Variants in CARHSP1 observed in about 807,000 individuals in gnomAD.
CARHSP1 encodes the protein calcium-regulated heat-stable protein 1.
Under a neutral mutation model 12.5 loss-of-function variants are expected in CARHSP1, and 14 were observed. That is an observed-to-expected ratio of 1.12 (90% CI 0.74 to 1.75). The LOEUF is 1.75. CARHSP1 is among the 40% of genes most tolerant of loss of function. The probability of loss-of-function intolerance (pLI) is 0.00; values close to 1 mark genes in which losing one functional copy is unlikely to be tolerated. For missense variants in CARHSP1, 343 were observed against 201.6 expected (o/e 1.70, Z -4.25); for synonymous variants, 161 against 82.0 (o/e 1.96, Z -5.20).
At chr16:8,865,194 C>T (rs1401729364) in intron 1 of CARHSP1, among the ~76,000 whole-genome samples, 1 of 152,144 alleles carries the variant, frequency 6.6e-6, no homozygotes, top group Non-Finnish European at 1.5e-5. Context: ...CTGCAGACCC[C>T]CGCCCCCCAG....
At chr16:8,859,096 CAG>C in intron 2 of CARHSP1, 73 bp downstream of exon 2, 1 of 1,417,358 alleles carries the variant, frequency 7.1e-7, no homozygotes, top group Non-Finnish European at 9.5e-7. Context: ...CAAAAATGGC[CAG>C]AGACACAGTG....
At chr16:8,863,242 C>T (rs1400031704) in intron 1 of CARHSP1, among the ~76,000 whole-genome samples, 1 of 151,694 alleles carries the variant, frequency 6.6e-6, no homozygotes, top group African/African-American at 2.4e-5. Context: ...CCACCCCAGC[C>T]TCCTGGGTTG....
At chr16:8,857,241 C>G (rs948899281) in intron 3 of CARHSP1, among the ~76,000 whole-genome samples, 2 of 133,382 alleles carry the variant, frequency 1.5e-5, no homozygotes, top group Non-Finnish European at 3.2e-5. Context: ...CACTTTCTGG[C>G]TATGTGATCT....
At chr16:8,863,781 C>G (rs1192146151) in intron 1 of CARHSP1, among the ~76,000 whole-genome samples, 3 of 152,150 alleles carry the variant, frequency 2.0e-5, no homozygotes, top group Non-Finnish European at 4.4e-5. Context: ...GGGCGGGTAA[C>G]CAGGCACCCA....
chr16:8,855,087 T>C lies in CARHSP1; in HGVS notation c.*77A>G. The C allele has an allele frequency of 8.1e-7, 1 of 1,237,598 alleles. No homozygotes were observed. The highest frequency in any genetic ancestry group is 1.1e-6 in the Non-Finnish European group (1 of 932,480). 76.7% of individuals were successfully genotyped at this position (1,237,598 alleles called of 1,614,324 possible). A position where few individuals can be genotyped will look rare whatever the true frequency, so the allele number is the denominator to read the frequency against. On this transcript the variant is annotated 3_prime_UTR_variant, in exon 4 of 4. Coordinates refer to ENST00000311052, the MANE Select transcript of CARHSP1 (RefSeq NM_014316.4). Reference sequence around the variant, plus strand: ...TGAAGCCCCGTCTCGTGTGGAAGAATGTCATCTCCAGTGTCTGCTGCCTCC... The same window carrying C: ...TGAAGCCCCGTCTCGTGTGGAAGAACGTCATCTCCAGTGTCTGCTGCCTCC...
intron 1 of CARHSP1, among the ~76,000 whole-genome samples, chr16:8,860,957 G>C (rs111682533): frequency 6.6e-6 from 1 of 151,374 alleles, no homozygotes; most frequent in African/African-American, 2.4e-5. Flanking sequence ...GGCCAAAGCT[G>C]GAGAATTGCT....
chr16:8,867,029 C>G (rs1192546901), intron 1 of CARHSP1, among the ~76,000 whole-genome samples: 1 of 152,102 alleles, frequency 6.6e-6, no homozygotes, highest in East Asian at 1.9e-4. Flanking sequence ...CCATTAGCAC[C>G]CCTGGACGGC....
chr16:8,857,759 A>ATT (rs71155409), intron 3 of CARHSP1: 5,332 of 116,224 alleles, frequency 0.046, 483 homozygotes, highest in African/African-American at 0.14. Flanking sequence ...CCTGCTCATT[A>ATT]TTTTTTTTTT....
In CARHSP1 at chr16:8,853,903, T is replaced by C. The variant is rs1202259919; in HGVS notation, c.*1261A>G. ...GGGTTCAAGACCATCCTGCCCAACA[T>C]GATGAAACCTGGTCTCTACTAAAAA... is the stretch of plus-strand genomic sequence containing the variant. On this transcript the variant is annotated 3_prime_UTR_variant, in exon 4 of 4. Transcript: ENST00000311052. The C allele has an allele frequency of 6.6e-6, 1 of 152,184 alleles. No homozygotes were observed. Among genetic ancestry groups the C allele is most frequent in the Non-Finnish European group, 1.5e-5 (1 of 68,040 alleles). 9.4% of individuals were successfully genotyped at this position (152,184 alleles called of 1,614,324 possible).
Position 8,855,335 on chromosome 16 carries a change from G to T in CARHSP1, c.282-9C>A. 1.3e-6 allele frequency: 2 copies of T among 1,544,258 alleles called. No homozygotes were observed. The highest frequency in any genetic ancestry group is 1.8e-6 in the Non-Finnish European group (2 of 1,138,292). On this transcript the variant is annotated splice_polypyrimidine_tract_variant and intron_variant, in intron 3 of 3. Coordinates refer to ENST00000311052, the MANE Select transcript of CARHSP1 (RefSeq NM_014316.4). ...CATACTCCCCTTCCACACTACGGGGGCATAAATAAAGCAGTCAGGGCTCAC... is the reference window on the plus strand; with the variant it reads ...CATACTCCCCTTCCACACTACGGGGTCATAAATAAAGCAGTCAGGGCTCAC...
Position 8,853,988 on chromosome 16 carries a change from A to C in CARHSP1, c.*1176T>G, listed in dbSNP as rs1270263593. 1 of 152,214 alleles carries C rather than the reference A, an allele frequency of 6.6e-6. No individual in the cohort carries two copies. Among genetic ancestry groups the C allele is most frequent in the African/African-American group, 2.4e-5 (1 of 41,434 alleles). 9.4% of individuals were successfully genotyped at this position (152,214 alleles called of 1,614,324 possible). A position where few individuals can be genotyped will look rare whatever the true frequency, so the allele number is the denominator to read the frequency against. ...GTAATCCCAGCTACTCAGGAGACTG[A>C]GGCGGAATTGCCAGAACCCTGGAGG... is the stretch of plus-strand genomic sequence containing the variant. On this transcript the variant is annotated 3_prime_UTR_variant, in exon 4 of 4. Transcript: ENST00000311052.
chr16:8,866,103 G>C (rs1451879499), intron 1 of CARHSP1, among the ~76,000 whole-genome samples: 1 of 152,132 alleles, frequency 6.6e-6, no homozygotes, highest in African/African-American at 2.4e-5. Flanking sequence ...ACAGGCGTGT[G>C]CTACCACACC....
At chr16:8,859,134 C>T (rs774084253) in intron 2 of CARHSP1, 37 bp downstream of exon 2, 39 of 1,539,830 alleles carry the variant, frequency 2.5e-5, no homozygotes, top group Non-Finnish European at 3.4e-5. Context: ...GCAAGAGATC[C>T]ATCTGAGAAC....
At chr16:8,858,875 T>A in intron 2 of CARHSP1, 1 of 411,464 alleles carries the variant, frequency 2.4e-6, no homozygotes, top group Non-Finnish European at 4.3e-6. Flanking sequence ...GCTGCAGAAT[T>A]CACAGTCTCA....
In CARHSP1 at chr16:8,861,808, A is replaced by T. The variant is rs915146153; in HGVS notation, c.-7-2473T>A. The stretch of plus-strand genomic sequence containing the variant: ...ACCAGCACAGGTCATAGAGTCCTAG[A>T]ATGTTCAACGCCCAGAGTTCCAGGA... On this transcript the variant is annotated intron_variant, in intron 1 of 3. Coordinates refer to ENST00000311052, the MANE Select transcript of CARHSP1 (RefSeq NM_014316.4). The T allele has an allele frequency of 1.2e-5, 15 of 1,212,558 alleles. No individual in the cohort carries two copies. In the Admixed American group the frequency reaches 2.9e-4, roughly 23 times the overall value. The allele number at this position is 1,212,558 out of a possible 1,614,324, so 75.1% of individuals were successfully genotyped here.
chr16:8,859,374 A>C, intron 1 of CARHSP1, 39 bp from the exon 2 acceptor site: 1 of 1,569,662 alleles, frequency 6.4e-7, no homozygotes, highest in Non-Finnish European at 8.6e-7. Flanking sequence ...CGTGCCTTGC[A>C]AGGTAGGGAC....
chr16:8,862,019 A>ATTTTTTTTTTTTTTTTTTTTG, intron 1 of CARHSP1, among the ~76,000 whole-genome samples: 1 of 72,472 alleles, frequency 1.4e-5, no homozygotes, highest in Non-Finnish European at 2.9e-5. Context: ...TTTTTTTTTA[A>ATTTTTTTTTTTTTTTTTTTTG]TTTGAGATGG....
chr16:8,856,486 T>C (rs1190979710), intron 3 of CARHSP1, among the ~76,000 whole-genome samples: 3 of 151,714 alleles, frequency 2.0e-5, no homozygotes, highest in Non-Finnish European at 4.4e-5. Context: ...CCAACCTCTA[T>C]GTTTTCCTTA....
Position 8,858,442 on chromosome 16 carries a change from G to A in CARHSP1, c.189C>T (p.Tyr63=), listed in dbSNP as rs767362402. 3.7e-6 allele frequency: 6 copies of A among 1,613,964 alleles called. No homozygotes were observed. The highest frequency in any genetic ancestry group is 4.2e-6 in the Non-Finnish European group (5 of 1,180,002). Residue 63 remains tyrosine, a synonymous_variant, in exon 3 of 4, where the codon TAC becomes TAT. Transcript: ENST00000311052. ...ATVRASQGPV[Y]KGVCKCFCRS... ...GGCAGAAGCATTTGCAGACTCCTTT[G>A]TAGACGGGGCCCTGTGAAGCCCGCA...
Sources: allele counts gnomAD v4.1 joint callset (sites outside exome capture counted in the v4.1 genomes callset), GRCh38; gene constraint gnomAD v4.1.1; transcripts MANE v1.5; gene names NCBI Gene and HGNC (gene_info 2026-07-23, HGNC 2026-07-21).